Variants in DAB2IP observed in about 807,000 individuals in gnomAD.
DAB2IP encodes DAB2 interacting protein, also known as disabled homolog 2-interacting protein.
In DAB2IP, 28 loss-of-function variants were observed where a neutral mutation model predicts 107.2. The observed-to-expected ratio is 0.26, with a 90% confidence interval of 0.19 to 0.36. The LOEUF is 0.36. Ranked by LOEUF, DAB2IP falls within the 10% of genes least tolerant of loss-of-function variation. The pLI is 1.00. For missense variants in DAB2IP, 1,400 were observed against 1,644.7 expected (o/e 0.85, Z 2.57); for synonymous variants, 755 against 706.4 (o/e 1.07, Z -1.09).
intron 1 of DAB2IP, among the ~76,000 whole-genome samples, chr9:121,641,892 C>CTTT (rs1554718110): frequency 2.2e-5 from 2 of 89,334 alleles, no homozygotes; most frequent in East Asian, 3.6e-4. Context: ...CATTTCTTTC[C>CTTT]CTTTCTTTCT....
chr9:121,638,212 G>A (rs1832156586), intron 1 of DAB2IP, among the ~76,000 whole-genome samples: 1 of 152,188 alleles, frequency 6.6e-6, no homozygotes, highest in Non-Finnish European at 1.5e-5. Flanking sequence ...TACTGAACAT[G>A]TACAGACTTT....
chr9:121,768,579 C>G, exon 10 of DAB2IP: 1 of 1,614,170 alleles, frequency 6.2e-7, no homozygotes, highest in Non-Finnish European at 8.5e-7. Flanking sequence ...ACCTGGGCCG[C>G]GAGCTCTCCA....
At chr9:121,733,778 G>A (rs1338423774) in intron 3 of DAB2IP, among the ~76,000 whole-genome samples, 3 of 152,216 alleles carry the variant, frequency 2.0e-5, no homozygotes, top group Non-Finnish European at 2.9e-5. Flanking sequence ...TAGAAATGGG[G>A]GCAGGAGGGG....
chr9:121,747,514 A>AT (rs1455036028), intron 3 of DAB2IP, among the ~76,000 whole-genome samples: 1 of 151,788 alleles, frequency 6.6e-6, no homozygotes, highest in African/African-American at 2.4e-5. Context: ...CGCCCAGCTA[A>AT]TTTTTTGTAT....
At chr9:121,590,737 CA>C (rs2118927714) in intron 1 of DAB2IP, among the ~76,000 whole-genome samples, 1 of 152,310 alleles carries the variant, frequency 6.6e-6, no homozygotes, top group African/African-American at 2.4e-5. Context: ...GGTGGGAAAG[CA>C]GACGTGCCTT....
chr9:121,621,990 T>C lies in DAB2IP; in HGVS notation c.40+54762T>C, dbSNP rs574358518. ...TTCTTTTTCTTTTTTCTTTCTTTTTTTTTTTTTTTTTTTTTTGAGATGGAG... is the reference window on the plus strand; with the variant it reads ...TTCTTTTTCTTTTTTCTTTCTTTTTCTTTTTTTTTTTTTTTTGAGATGGAG... On this transcript the variant is annotated intron_variant, in intron 1 of 16. Coordinates refer to the DAB2IP transcript ENST00000259371. Among the ~76,000 whole-genome samples, 1,222 of 133,994 alleles carry C rather than the reference T, an allele frequency of 9.1e-3. 24 individuals carry two copies. Among genetic ancestry groups the C allele is most frequent in the African/African-American group, 0.032 (1,122 of 35,504 alleles). 87.9% of individuals were successfully genotyped at this position (133,994 alleles called of 152,430 possible). A position where few individuals can be genotyped will look rare whatever the true frequency, so the allele number is the denominator to read the frequency against.
At chr9:121,729,701 A>G (rs1482366368) in intron 3 of DAB2IP, among the ~76,000 whole-genome samples, 1 of 152,242 alleles carries the variant, frequency 6.6e-6, no homozygotes, top group Non-Finnish European at 1.5e-5. Flanking sequence ...GGCCAGATGT[A>G]GCCCACAAAC....
At chr9:121,677,426 G>T (rs1833964982) in intron 1 of DAB2IP, among the ~76,000 whole-genome samples, 1 of 152,156 alleles carries the variant, frequency 6.6e-6, no homozygotes, top group Admixed American at 6.5e-5. Context: ...GGAGGCTGAG[G>T]CAGGAGGATT....
At chr9:121,724,644 C>T (rs968112891) in intron 3 of DAB2IP, among the ~76,000 whole-genome samples, 2 of 152,246 alleles carry the variant, frequency 1.3e-5, no homozygotes, top group Non-Finnish European at 2.9e-5. Flanking sequence ...AACAAACAAA[C>T]ATTTAATTGT....
intron 1 of DAB2IP, among the ~76,000 whole-genome samples, chr9:121,570,656 C>T (rs944241608): frequency 6.6e-6 from 1 of 152,138 alleles, no homozygotes; most frequent in Non-Finnish European, 1.5e-5. Context: ...GTAAGCAATC[C>T]TCCTGCTTCA....
intron 2 of DAB2IP, among the ~76,000 whole-genome samples, chr9:121,689,673 G>A (rs1829066362): frequency 6.6e-6 from 1 of 152,178 alleles, no homozygotes; most frequent in South Asian, 2.1e-4. Context: ...GAAGTGCAGG[G>A]GAATCCTACC....
intron 1 of DAB2IP, among the ~76,000 whole-genome samples, chr9:121,620,935 A>G (rs2777315): frequency 0.97 from 147,754 of 152,334 alleles, 71,858 homozygotes; most frequent in East Asian, 1. Context: ...CACATCAACC[A>G]ATCCAACATG....
At chr9:121,600,901 G>T (rs978599048) in intron 1 of DAB2IP, among the ~76,000 whole-genome samples, 1 of 152,144 alleles carries the variant, frequency 6.6e-6, no homozygotes, top group Non-Finnish European at 1.5e-5. Context: ...TTAAGCAGCC[G>T]ATCTATACCC....
chr9:121,632,195 G>A (rs575061599), intron 1 of DAB2IP, among the ~76,000 whole-genome samples: 116 of 152,332 alleles, frequency 7.6e-4, no homozygotes, highest in African/African-American at 2.7e-3. Context: ...TTACGCTTGC[G>A]AATTAATTTG....
chr9:121,772,542 G>C lies in DAB2IP; in HGVS notation c.2079-65G>C, dbSNP rs751040780. 9.7e-6 allele frequency: 15 copies of C among 1,546,084 alleles called. No homozygotes were observed. The highest frequency in any genetic ancestry group is 1.4e-5 in the African/African-American group (1 of 73,580). On this transcript the variant is annotated intron_variant, in intron 11 of 15. Transcript: ENST00000408936. This position sits in a 1 kb window ranked among gnomAD's most constrained non-coding sequence, Gnocchi z 4.7. ...TGGCGGGTGCTGTCGGTTTGGACCCGCCTTGGCTGCACTCACAGTTCTTCT... is the reference window on the plus strand; with the variant it reads ...TGGCGGGTGCTGTCGGTTTGGACCCCCCTTGGCTGCACTCACAGTTCTTCT...
chr9:121,764,214 A>T (rs2118983017), intron 8 of DAB2IP, among the ~76,000 whole-genome samples: 1 of 152,246 alleles, frequency 6.6e-6, no homozygotes, highest in East Asian at 1.9e-4. Flanking sequence ...GGATGGCTTC[A>T]CCTGAGGCTC....
intron 3 of DAB2IP, among the ~76,000 whole-genome samples, chr9:121,748,576 T>C (rs1404489592): frequency 6.6e-6 from 1 of 152,226 alleles, no homozygotes; most frequent in Non-Finnish European, 1.5e-5. Flanking sequence ...CCACTCTCCC[T>C]TTCTTCTGGG....
intron 2 of DAB2IP, among the ~76,000 whole-genome samples, chr9:121,693,501 T>C (rs569612950): frequency 6.6e-6 from 1 of 152,334 alleles, no homozygotes; most frequent in South Asian, 2.1e-4. Context: ...CCCAGAAAGA[T>C]ATTGAGAGAC....
chr9:121,675,561 C>G (rs529060785), intron 1 of DAB2IP, among the ~76,000 whole-genome samples: 1 of 152,334 alleles, frequency 6.6e-6, no homozygotes, highest in South Asian at 2.1e-4. Flanking sequence ...CATCCTGAGA[C>G]TAAGCCCTGA....
Sources: allele counts gnomAD v4.1 joint callset (sites outside exome capture counted in the v4.1 genomes callset), GRCh38; gene constraint gnomAD v4.1.1; non-coding constraint Gnocchi (gnomAD v3.1); transcripts MANE v1.5; gene names NCBI Gene and HGNC (gene_info 2026-07-23, HGNC 2026-07-21).